Variants in CNTNAP3B observed in about 807,000 individuals in gnomAD.
CNTNAP3B encodes the protein contactin-associated protein-like 3B.
In CNTNAP3B, 25 loss-of-function variants were observed where a neutral mutation model predicts 108.9. That is an observed-to-expected ratio of 0.23 (90% CI 0.17 to 0.32). CNTNAP3B has a LOEUF of 0.32. Among genes scored for constraint, CNTNAP3B ranks in the 10% least tolerant of loss-of-function variants. The pLI is 1.00. For synonymous variants in CNTNAP3B, 103 were observed against 473.4 expected, an observed-to-expected ratio of 0.22 and a Z score of 10.16; for missense variants, 252 against 1,210.4, an observed-to-expected ratio of 0.21 and a Z score of 11.75.
intron 15 of CNTNAP3B, among the ~76,000 whole-genome samples, chr9:41,924,679 A>ACC (rs1158352757): frequency 5.3e-5 from 8 of 150,754 alleles, no homozygotes; most frequent in Non-Finnish European, 1.2e-4. Context: ...ACACACACAC[A>ACC]CACACACACA....
chr9:42,103,629 G>C (rs1160651827), intron 2 of CNTNAP3B, among the ~76,000 whole-genome samples: 1 of 103,148 alleles, frequency 9.7e-6, no homozygotes, highest in Non-Finnish European at 2.0e-5. Flanking sequence ...TAGCCACTTG[G>C]GAGGCTGAGG....
At chr9:41,963,799 G>A (rs1825179712) in intron 11 of CNTNAP3B, among the ~76,000 whole-genome samples, 1 of 152,286 alleles carries the variant, frequency 6.6e-6, no homozygotes, top group Non-Finnish European at 1.5e-5. Flanking sequence ...ACTAGCTGGG[G>A]GCCAAGTTAC....
intron 3 of CNTNAP3B, among the ~76,000 whole-genome samples, chr9:42,075,339 G>A (rs1712151213): frequency 7.0e-6 from 1 of 142,492 alleles, no homozygotes; most frequent in African/African-American, 2.8e-5. Context: ...AGTCAATCCA[G>A]GATAGAGATG....
intron 17 of CNTNAP3B, among the ~76,000 whole-genome samples, chr9:41,922,071 G>A (rs1010481747): frequency 9.2e-5 from 13 of 141,772 alleles, no homozygotes; most frequent in Admixed American, 4.2e-4. Context: ...TTTGGGGGTC[G>A]GCTATCCTGG....
intron 13 of CNTNAP3B, among the ~76,000 whole-genome samples, chr9:41,943,005 A>G (rs1393085254): frequency 8.5e-5 from 13 of 152,268 alleles, no homozygotes; most frequent in African/African-American, 2.9e-4. Context: ...TATGAGACGA[A>G]TCAAGCAAAC....
intron 1 of CNTNAP3B, among the ~76,000 whole-genome samples, chr9:42,108,265 T>C (rs1401881996): frequency 1.5e-5 from 2 of 130,486 alleles, no homozygotes. Flanking sequence ...AGGGTCTTAA[T>C]GTTACAAGTA....
Position 42,120,738 on chromosome 9 carries a change from C to T in CNTNAP3B, c.85+8272G>A, listed in dbSNP as rs1405690142. 1.2e-4 allele frequency among the ~76,000 whole-genome samples: 16 copies of T among 128,362 alleles called. 5 individuals carry two copies. Among genetic ancestry groups the T allele is most frequent in the African/African-American group, 2.0e-4 (6 of 30,732 alleles). 84.2% of individuals were successfully genotyped at this position (128,362 alleles called of 152,430 possible). A position where few individuals can be genotyped will look rare whatever the true frequency, so the allele number is the denominator to read the frequency against. On this transcript the variant is annotated intron_variant, in intron 1 of 23. Transcript: ENST00000377561. ...ATTGCAAGGACAAAAAACCAAACACCGCATGTTCTCACTCATAGGTGGGAA... is the reference window on the plus strand; with the variant it reads ...ATTGCAAGGACAAAAAACCAAACACTGCATGTTCTCACTCATAGGTGGGAA...
intron 2 of CNTNAP3B, among the ~76,000 whole-genome samples, chr9:42,088,730 T>C (rs1034870040): frequency 7.3e-6 from 1 of 136,502 alleles, no homozygotes; most frequent in African/African-American, 2.9e-5. Flanking sequence ...CTAAGAACTA[T>C]TAAAAGGCAC....
At chr9:41,934,112 TATATATATATACACACAC>T (rs1824070961) in intron 14 of CNTNAP3B, among the ~76,000 whole-genome samples, 1 of 126,348 alleles carries the variant, frequency 7.9e-6, no homozygotes, top group African/African-American at 3.0e-5. Context: ...TATATATATA[TATATATATATACACACAC>T]ATATATATAT....
chr9:41,961,243 C>A (rs1160321130), intron 11 of CNTNAP3B, among the ~76,000 whole-genome samples: 1 of 152,300 alleles, frequency 6.6e-6, no homozygotes, highest in Non-Finnish European at 1.5e-5. Context: ...GAATGCGATA[C>A]TATCTTCAAT....
intron 13 of CNTNAP3B, among the ~76,000 whole-genome samples, chr9:41,941,293 C>T (rs576075083): frequency 2.2e-3 from 319 of 145,296 alleles, no homozygotes; most frequent in African/African-American, 7.7e-3. Flanking sequence ...AATAACACAA[C>T]GAGAAATTTA....
intron 18 of CNTNAP3B, among the ~76,000 whole-genome samples, chr9:41,917,888 G>A (rs1389624724): frequency 6.6e-6 from 1 of 151,998 alleles, no homozygotes; most frequent in East Asian, 1.9e-4. Context: ...ATATAGAGTG[G>A]AGCTTCCGTC....
chr9:42,117,686 T>C (rs1828350563), intron 1 of CNTNAP3B, among the ~76,000 whole-genome samples: 1 of 134,228 alleles, frequency 7.5e-6, no homozygotes, highest in South Asian at 2.4e-4. Context: ...AGAGCAGAAC[T>C]GAAGGAAATA....
chr9:42,003,385 G>A (rs1157342139), intron 4 of CNTNAP3B, among the ~76,000 whole-genome samples: 1 of 60,034 alleles, frequency 1.7e-5, no homozygotes, highest in African/African-American at 4.8e-5. Flanking sequence ...TGCAAACACT[G>A]ATGTCTTACA....
At chr9:41,917,548 C>A (rs1823547928) in intron 18 of CNTNAP3B, among the ~76,000 whole-genome samples, 1 of 141,688 alleles carries the variant, frequency 7.1e-6, no homozygotes, top group African/African-American at 2.8e-5. Flanking sequence ...GTAGTAAAAC[C>A]TCTGCTTACA....
rs1239304012 is a variant in CNTNAP3B at position 42,035,743 on chromosome 9, G to C, written c.391-22218C>G. On this transcript the variant is annotated intron_variant, in intron 3 of 23. Transcript: ENST00000377561. ...CACAATCATACCTCAGTGCAGCTTT[G>C]AACTCCTGGGCTTAAGCTATCCTCC... Among the ~76,000 whole-genome samples, 6 of 151,000 alleles carry C rather than the reference G, an allele frequency of 4.0e-5. No homozygotes were observed. The East Asian group carries it at 9.7e-4, about 24-fold the overall frequency.
intron 14 of CNTNAP3B, among the ~76,000 whole-genome samples, chr9:41,932,100 T>A (rs1823994865): frequency 2.0e-5 from 3 of 151,208 alleles, no homozygotes; most frequent in Non-Finnish European, 4.4e-5. Flanking sequence ...CCTTTGGAAA[T>A]CAAAATAGAA....
intron 1 of CNTNAP3B, among the ~76,000 whole-genome samples, chr9:42,109,819 T>A (rs1229442383): frequency 1.5e-5 from 2 of 134,788 alleles, no homozygotes; most frequent in East Asian, 4.6e-4. Flanking sequence ...GAGGAAATTA[T>A]CTTGAATTAT....
intron 13 of CNTNAP3B, among the ~76,000 whole-genome samples, chr9:41,939,932 G>T (rs1009521965): frequency 6.6e-6 from 1 of 152,004 alleles, no homozygotes; most frequent in Non-Finnish European, 1.5e-5. Context: ...AAAGTAGAAA[G>T]AGGAAGCTTA....
Sources: allele counts gnomAD v4.1 joint callset (sites outside exome capture counted in the v4.1 genomes callset), GRCh38; gene constraint gnomAD v4.1.1; transcripts MANE v1.5; gene names NCBI Gene and HGNC (gene_info 2026-07-23, HGNC 2026-07-21).